EHMT1: variants seen among roughly 807,000 people sequenced by gnomAD.
EHMT1 encodes the protein histone-lysine N-methyltransferase EHMT1.
In EHMT1, 15 loss-of-function variants were observed where a neutral mutation model predicts 147.2. The ratio of observed to expected loss-of-function variants is 0.10; its 90% CI spans 0.07 to 0.16. The LOEUF (loss-of-function observed/expected upper bound fraction) is 0.16, where lower values mean the gene tolerates loss of function less well. Among genes scored for constraint, EHMT1 ranks in the 10% least tolerant of loss-of-function variants. The pLI is 1.00. For synonymous variants in EHMT1, 795 were observed against 709.6 expected, an observed-to-expected ratio of 1.12 and a Z score of -1.91; for missense variants, 1,587 against 1,772.4, an observed-to-expected ratio of 0.90 and a Z score of 1.88.
chr9:137,688,940 A>G (rs555183869), intron 1 of EHMT1, among the ~76,000 whole-genome samples: 3 of 152,278 alleles, frequency 2.0e-5, no homozygotes, highest in East Asian at 1.9e-4. Flanking sequence ...TACAAGAGGA[A>G]GTGACTGTCC....
At position 137,772,465 on chromosome 9, in the gene EHMT1, G is replaced by T. The variant is rs73669163; in HGVS notation, c.1648-2644G>T. 8.5e-5 allele frequency among the ~76,000 whole-genome samples: 13 copies of T among 152,294 alleles called. No homozygotes were observed. In the East Asian group the frequency reaches 2.5e-3, roughly 29 times the overall value. On this transcript the variant is annotated intron_variant, in intron 10 of 26. Coordinates refer to ENST00000460843, the MANE Select transcript of EHMT1 (RefSeq NM_024757.5). ...CTGCAGAGGGTGACCCCTCACCTGC[G>T]CCAGGTGGGGTGCCTAGCTGCATGG...
intron 1 of EHMT1, among the ~76,000 whole-genome samples, chr9:137,623,524 C>T (rs1843068914): frequency 6.6e-6 from 1 of 151,954 alleles, no homozygotes; most frequent in Admixed American, 6.6e-5. Context: ...AAGCGATTCT[C>T]CTGCCTCAGC....
chr9:137,814,338 G>A (rs1426638668), intron 21 of EHMT1, 93 bp from the exon 22 acceptor site: 1 of 1,351,366 alleles, frequency 7.4e-7, no homozygotes, highest in Non-Finnish European at 1.1e-6. Context: ...ACCAGAATCA[G>A]GGTTAACAGA....
chr9:137,817,623 A>T, intron 24 of EHMT1, 98 bp downstream of exon 24: 1 of 1,497,672 alleles, frequency 6.7e-7, no homozygotes, highest in Non-Finnish European at 9.2e-7. Context: ...GAGCAGGCAC[A>T]TCCCTGGCGT....
intron 1 of EHMT1, among the ~76,000 whole-genome samples, chr9:137,665,551 C>T (rs1341144427): frequency 1.3e-5 from 2 of 152,128 alleles, no homozygotes; most frequent in Admixed American, 6.5e-5. Context: ...GGCTCTTGGC[C>T]CCAGAGGTAA....
rs564453174 is a variant in EHMT1 at position 137,722,434 on chromosome 9, G to A, written c.642+5252G>A. 5.9e-5 allele frequency among the ~76,000 whole-genome samples: 9 copies of A among 152,348 alleles called. No individual in the cohort carries two copies. In the South Asian group the frequency reaches 1.7e-3, roughly 28 times the overall value. ...GAGAACTTGAGTGTTTTGAGGCTTC[G>A]GAACCTGGTTTCCTGAAGACTCTCC... On this transcript the variant is annotated intron_variant, in intron 3 of 26. Coordinates refer to ENST00000460843, the MANE Select transcript of EHMT1 (RefSeq NM_024757.5).
chr9:137,827,835 G>A (rs1468456005), intron 25 of EHMT1, among the ~76,000 whole-genome samples: 1 of 151,384 alleles, frequency 6.6e-6, no homozygotes, highest in Admixed American at 6.6e-5. Flanking sequence ...TCTCCATGGT[G>A]TGCTTGCCCG....
chr9:137,707,231 G>A (rs1398930699), intron 1 of EHMT1, among the ~76,000 whole-genome samples: 1 of 152,228 alleles, frequency 6.6e-6, no homozygotes, highest in African/African-American at 2.4e-5. Context: ...GCTTGGGGGG[G>A]CTGGTCTCCG....
intron 4 of EHMT1, chr9:137,743,047 A>G: frequency 2.7e-6 from 1 of 368,448 alleles, no homozygotes; most frequent in South Asian, 2.3e-5. Flanking sequence ...GACTGGGAGG[A>G]GGAGTCGCTT....
At chr9:137,635,762 G>C (rs1038320084) in intron 1 of EHMT1, among the ~76,000 whole-genome samples, 6 of 151,304 alleles carry the variant, frequency 4.0e-5, no homozygotes, top group Non-Finnish European at 7.4e-5. Flanking sequence ...GGAGCTTGCA[G>C]TGAGCTGAGA....
intron 1 of EHMT1, among the ~76,000 whole-genome samples, chr9:137,707,354 G>T (rs1944356073): frequency 6.6e-6 from 1 of 152,224 alleles, no homozygotes; most frequent in South Asian, 2.1e-4. Context: ...AGAGGCCACG[G>T]TTCTGGAGGA....
chr9:137,714,183 A>C (rs962017941), intron 2 of EHMT1, among the ~76,000 whole-genome samples: 4 of 152,170 alleles, frequency 2.6e-5, no homozygotes, highest in Non-Finnish European at 1.5e-5. Flanking sequence ...GTTGAATAGA[A>C]GTGGCAAGAC....
rs145982136 is a variant in EHMT1 at position 137,801,007 on chromosome 9, G to A, written c.2712+23G>A. On this transcript the variant is annotated intron_variant, in intron 18 of 26. Transcript: ENST00000460843. ...AACGTAAGTTCGTCACACCCTCCCC[G>A]GGAGCCGTGTCCTGGAGGGGTGGGG... 523 of 1,608,966 alleles carry A rather than the reference G, an allele frequency of 3.3e-4. No homozygotes were observed. In the African/African-American group the frequency reaches 4.9e-3, roughly 15 times the overall value.
intron 1 of EHMT1, among the ~76,000 whole-genome samples, chr9:137,683,214 T>C (rs973853256): frequency 2.0e-5 from 3 of 152,228 alleles, no homozygotes; most frequent in African/African-American, 7.2e-5. Flanking sequence ...CAGAATATAT[T>C]ACACTTATTT....
chr9:137,743,342 C>A (rs780276606), intron 4 of EHMT1, 29 bp from the exon 5 acceptor site: 13 of 1,561,756 alleles, frequency 8.3e-6, no homozygotes, highest in Middle Eastern at 1.7e-4. Context: ...CCTTTCTTGT[C>A]CCCTTTTGAC....
At chr9:137,826,501 G>C (rs1266013495) in intron 25 of EHMT1, among the ~76,000 whole-genome samples, 2 of 152,188 alleles carry the variant, frequency 1.3e-5, no homozygotes, top group African/African-American at 4.8e-5. Flanking sequence ...CGTTGAGGCT[G>C]CTGTAACAGA....
chr9:137,716,957 T>C lies in EHMT1; in HGVS notation c.417T>C (p.Thr139=). 1 of 1,612,794 alleles carries C rather than the reference T, an allele frequency of 6.2e-7. No homozygotes were observed. Among genetic ancestry groups the C allele is most frequent in the Non-Finnish European group, 8.5e-7 (1 of 1,179,708 alleles). ...KPALQAQPLR[T]TSTLASSLPG... is the part of the protein sequence containing the mutation. ...CCCTACAGGCACAGCCCTTGAGGACTACCAGCACTCTGGCCTCTTCGCTGC... is the reference window on the plus strand; with the variant it reads ...CCCTACAGGCACAGCCCTTGAGGACCACCAGCACTCTGGCCTCTTCGCTGC... The change falls in exon 3 of 27, where the codon ACT becomes ACC. Residue 139 remains threonine, a synonymous_variant. Coordinates refer to ENST00000460843, the MANE Select transcript of EHMT1 (RefSeq NM_024757.5).
At chr9:137,674,997 C>G (rs748165585) in intron 1 of EHMT1, 4 of 152,140 alleles carry the variant, frequency 2.6e-5, no homozygotes, top group Non-Finnish European at 5.9e-5. Flanking sequence ...CGCGTAAGGT[C>G]TCTGATGCAT....
At chr9:137,633,063 G>C (rs1843732820) in intron 1 of EHMT1, among the ~76,000 whole-genome samples, 1 of 152,156 alleles carries the variant, frequency 6.6e-6, no homozygotes, top group South Asian at 2.1e-4. Context: ...TGGCAGATGA[G>C]GAGGGCACAA....
Sources: allele counts gnomAD v4.1 joint callset (sites outside exome capture counted in the v4.1 genomes callset), GRCh38; gene constraint gnomAD v4.1.1; transcripts MANE v1.5; gene names NCBI Gene and HGNC (gene_info 2026-07-23, HGNC 2026-07-21).